ETNK2: variants seen among roughly 807,000 people sequenced by gnomAD.
The protein encoded by ETNK2 is ethanolamine kinase 2, also known as ethanolamine kinase-like protein.
ETNK2 carries 33 observed loss-of-function variants against 46.2 expected under a neutral mutation model. The observed-to-expected ratio is 0.71, with a 90% CI of 0.54 to 0.96. ETNK2 has a LOEUF of 0.96. Among genes scored for constraint, ETNK2 ranks in the 40% least tolerant of loss-of-function variants. The probability of loss-of-function intolerance (pLI) is 0.00; values close to 1 mark genes in which losing one functional copy is unlikely to be tolerated. For missense variants in ETNK2, 445 were observed against 509.7 expected (o/e 0.87, Z 1.22); for synonymous variants, 194 against 209.0 (o/e 0.93, Z 0.62).
intron 7 of ETNK2, among the ~76,000 whole-genome samples, chr1:204,133,669 C>T (rs1265692608): frequency 2.6e-5 from 4 of 151,326 alleles, no homozygotes; most frequent in East Asian, 3.9e-4. Flanking sequence ...GTAGCTGGGA[C>T]TACAGGCGCC....
At chr1:204,144,051 A>C (rs879534948) in intron 3 of ETNK2, among the ~76,000 whole-genome samples, 39 of 152,104 alleles carry the variant, frequency 2.6e-4, no homozygotes, top group African/African-American at 8.2e-4. Flanking sequence ...GCCTATCAAA[A>C]TGTAGCTTCC....
chr1:204,148,093 T>G (rs917039422), intron 2 of ETNK2, among the ~76,000 whole-genome samples: 1 of 151,646 alleles, frequency 6.6e-6, no homozygotes, highest in Admixed American at 6.6e-5. Flanking sequence ...CAGGCTGAGG[T>G]TGGGGGTGGG....
chr1:204,149,585 T>A (rs936913582), intron 2 of ETNK2, 118 bp downstream of exon 2: 3 of 1,289,910 alleles, frequency 2.3e-6, no homozygotes, highest in Admixed American at 2.7e-5. Context: ...GCATTTTTCA[T>A]GCAATTTCAG....
At chr1:204,146,788 AG>A in intron 2 of ETNK2, 24 bp from the exon 3 acceptor site, 4 of 1,613,816 alleles carry the variant, frequency 2.5e-6, no homozygotes, top group Non-Finnish European at 3.4e-6. Context: ...CAGGAAGAGT[AG>A]AGCATCAGTG....
chr1:204,149,817 C>T lies in ETNK2; in HGVS notation c.404G>A (p.Arg135Gln), dbSNP rs1175657521. ...ENEVRNFQLL[R>Q]AHSCAPKLYC... is the part of the protein sequence containing the mutation. Reference sequence around the variant, plus strand: ...GAGTTTGGGGGCACAGCTGTGTGCTCGCAGCAGCTGGAAGTTTCTGACCTC... The same window carrying T: ...GAGTTTGGGGGCACAGCTGTGTGCTTGCAGCAGCTGGAAGTTTCTGACCTC... The change falls in exon 2 of 8, where the codon CGA (arginine) becomes CAA (glutamine). Residue 135 changes from arginine to glutamine, a missense_variant. Transcript: ENST00000367202. The T allele has an allele frequency of 1.9e-6, 3 of 1,606,860 alleles. No individual in the cohort carries two copies. Among genetic ancestry groups the T allele is most frequent in the Non-Finnish European group, 1.7e-6 (2 of 1,176,908 alleles).
intron 2 of ETNK2, among the ~76,000 whole-genome samples, chr1:204,149,447 G>A (rs778083695): frequency 6.6e-6 from 1 of 152,204 alleles, no homozygotes; most frequent in Non-Finnish European, 1.5e-5. Flanking sequence ...GCAGATCTCT[G>A]CCGCACTTAG....
At chr1:204,133,829 C>A (rs1308076726) in intron 7 of ETNK2, among the ~76,000 whole-genome samples, 2 of 152,256 alleles carry the variant, frequency 1.3e-5, no homozygotes, top group Non-Finnish European at 2.9e-5. Flanking sequence ...CCGCGCCCGG[C>A]CTCACCGTGC....
At chr1:204,134,062 C>T (rs1209713446) in intron 7 of ETNK2, among the ~76,000 whole-genome samples, 1 of 152,190 alleles carries the variant, frequency 6.6e-6, no homozygotes, top group African/African-American at 2.4e-5. Context: ...CTGGGGCTGT[C>T]GCCCAACCAG....
Position 204,151,815 on chromosome 1 carries a change from G to T in ETNK2, c.38C>A (p.Ser13Tyr). 6.7e-7 allele frequency: 1 copy of T among 1,482,490 alleles called. No individual in the cohort carries two copies. 91.8% of individuals were successfully genotyped at this position (1,482,490 alleles called of 1,614,324 possible). Residue 13 changes from serine to tyrosine, a missense_variant, in exon 1 of 8, where the codon TCC becomes TAC. Transcript: ENST00000367202. The surrounding 1 kb of genome is among the most constrained non-coding windows in gnomAD (Gnocchi z 8.0). ...AGGCGTGTGCCTCCTCAGGTGAAAG[G>T]ACGCGCGCGGCTGAGGGGCCGAAGG... ...VPPSAPQPRA[S>Y]FHLRRHTPCP... is the part of the protein sequence containing the mutation.
At chr1:204,133,704 T>G (rs1352459341) in intron 7 of ETNK2, among the ~76,000 whole-genome samples, 1 of 151,922 alleles carries the variant, frequency 6.6e-6, no homozygotes, top group Non-Finnish European at 1.5e-5. Flanking sequence ...GCTAATTTTT[T>G]GTATTTTTAG....
intron 2 of ETNK2, among the ~76,000 whole-genome samples, chr1:204,148,765 A>G (rs981275480): frequency 3.9e-5 from 6 of 152,182 alleles, no homozygotes; most frequent in African/African-American, 7.2e-5. Flanking sequence ...CAGGTGAGGA[A>G]GCAAAGAAGC....
At chr1:204,141,196 G>T in intron 4 of ETNK2, 119 bp downstream of exon 4, 2 of 1,207,698 alleles carry the variant, frequency 1.7e-6, no homozygotes, top group Non-Finnish European at 2.4e-6. Flanking sequence ...ATTAACTTAA[G>T]ACCTAAATCA....
chr1:204,140,093 T>TTC lies in ETNK2; in HGVS notation c.808_809dup (p.Tyr271AsnfsTer22). ...AAGCTTGGTAGTTGTAGCCAGCATA[T>TTC]TCATAGTCAATGAACCGCACGTGAC... On this transcript the variant is annotated frameshift_variant, in exon 5 of 8. Transcript: ENST00000367202. LOFTEE classifies it high-confidence loss of function. The TTC allele has an allele frequency of 1.2e-6, 2 of 1,613,960 alleles. No individual in the cohort carries two copies. The highest frequency in any genetic ancestry group is 1.7e-6 in the Non-Finnish European group (2 of 1,179,858).
In ETNK2 at chr1:204,132,202, G is replaced by C; in HGVS notation, c.1143C>G (p.Ala381=). 1 of 1,573,644 alleles carries C rather than the reference G, an allele frequency of 6.4e-7. No individual in the cohort carries two copies. Residue 381 remains alanine (A), a synonymous_variant, in exon 8 of 8, where the codon GCC becomes GCG. Coordinates refer to ENST00000367202, the MANE Select transcript of ETNK2 (RefSeq NM_018208.4). ...QYFKVKPQAS[A]LEMPK is the part of the protein sequence containing the mutation. Reference sequence around the variant, plus strand: ...TGGCTGGTCACTTTGGCATCTCCAAGGCTGACGCTTGAGGCTTCACCTTGA... The same window carrying C: ...TGGCTGGTCACTTTGGCATCTCCAACGCTGACGCTTGAGGCTTCACCTTGA...
In ETNK2 at chr1:204,151,868, C is replaced by T. The variant is rs1465053603; in HGVS notation, c.-16G>A. ...GCACAGCCATTCCCAGCAGCCCCAC[C>T]CCCTCGGAGCCGCGGCAGACGCTAG... On this transcript the variant is annotated 5_prime_UTR_variant, in exon 1 of 8. Coordinates refer to ENST00000367202, the MANE Select transcript of ETNK2 (RefSeq NM_018208.4). This position sits in a 1 kb window ranked among gnomAD's most constrained non-coding sequence, Gnocchi z 8.0. 2.6e-5 allele frequency: 37 copies of T among 1,421,850 alleles called. No individual in the cohort carries two copies. Among genetic ancestry groups the T allele is most frequent in the Admixed American group, 3.2e-5 (1 of 31,092 alleles). The allele number at this position is 1,421,850 out of a possible 1,614,324, so 88.1% of individuals were successfully genotyped here. A position where few individuals can be genotyped will look rare whatever the true frequency, so the allele number is the denominator to read the frequency against.
chr1:204,133,054 A>C (rs1393553797), intron 7 of ETNK2, among the ~76,000 whole-genome samples: 2 of 152,068 alleles, frequency 1.3e-5, no homozygotes, highest in Non-Finnish European at 2.9e-5. Flanking sequence ...TAATGTCCTC[A>C]AGATTCATCC....
At chr1:204,134,705 TGTG>T (rs768573905) in intron 6 of ETNK2, 117 bp from the exon 7 acceptor site, 2 of 1,603,970 alleles carry the variant, frequency 1.2e-6, no homozygotes, top group Non-Finnish European at 1.7e-6. Context: ...CTGGAAGAGA[TGTG>T]GTGGGGTCTC....
chr1:204,141,056 G>C, intron 4 of ETNK2: 1 of 539,292 alleles, frequency 1.9e-6, no homozygotes, highest in Non-Finnish European at 3.5e-6. Context: ...GAATTCCTGG[G>C]CTTAAGCAAT....
At chr1:204,147,502 G>A (rs2102301560) in intron 2 of ETNK2, 1 of 533,362 alleles carries the variant, frequency 1.9e-6, no homozygotes, top group East Asian at 5.4e-5. Context: ...CATCGCCCGA[G>A]GCCCTGTGTC....
Sources: gnomAD v4.1 joint callset for allele counts (sites outside exome capture counted in the v4.1 genomes callset) on GRCh38, gnomAD v4.1.1 for gene constraint, Gnocchi (gnomAD v3.1) non-coding constraint, MANE v1.5 for transcripts, NCBI Gene and HGNC (gene_info 2026-07-23, HGNC 2026-07-21) for gene names.